Variants in CSMD1 observed in about 807,000 individuals in gnomAD.
The protein encoded by CSMD1 is CUB and Sushi multiple domains 1.
CSMD1 carries 213 observed loss-of-function variants against 417.5 expected under a neutral mutation model. The observed-to-expected ratio is 0.51, with a 90% CI of 0.46 to 0.57. The LOEUF (loss-of-function observed/expected upper bound fraction) is 0.57. CSMD1 is among the 20% of genes least tolerant of loss of function. The pLI is 0.00. For missense variants in CSMD1, 6,923 were observed against 4,529.7 expected (o/e 1.53, Z -15.17); for synonymous variants, 2,862 against 1,736.8 (o/e 1.65, Z -16.11).
intron 1 of CSMD1, among the ~76,000 whole-genome samples, chr8:4,760,405 C>T (rs1020124369): frequency 6.6e-6 from 1 of 152,154 alleles, no homozygotes; most frequent in Non-Finnish European, 1.5e-5. Context: ...TCTCAGCTGA[C>T]TTTATGATAC....
intron 3 of CSMD1, among the ~76,000 whole-genome samples, chr8:4,256,655 G>A (rs935326110): frequency 1.3e-5 from 2 of 152,170 alleles, no homozygotes; most frequent in Non-Finnish European, 2.9e-5. Flanking sequence ...CCAAGTCACA[G>A]ATGGCTAATG....
intron 43 of CSMD1, among the ~76,000 whole-genome samples, chr8:3,109,081 A>G (rs934243942): frequency 1.3e-5 from 2 of 152,154 alleles, no homozygotes; most frequent in African/African-American, 4.8e-5. Context: ...CCTGGCCAAC[A>G]TGGTGAAACC....
At chr8:3,728,672 G>A (rs1054473675) in intron 6 of CSMD1, among the ~76,000 whole-genome samples, 7 of 151,940 alleles carry the variant, frequency 4.6e-5, no homozygotes, top group African/African-American at 7.3e-5. Flanking sequence ...AACAGAAGGA[G>A]AAAGTAGAAA....
At chr8:4,668,481 G>C (rs184940169) in intron 1 of CSMD1, among the ~76,000 whole-genome samples, 3 of 147,220 alleles carry the variant, frequency 2.0e-5, no homozygotes, top group East Asian at 2.0e-4. Flanking sequence ...ATGGAGTCTC[G>C]CTCTGTCACC....
intron 5 of CSMD1, among the ~76,000 whole-genome samples, chr8:3,774,206 T>C (rs1329890726): frequency 6.6e-6 from 1 of 152,168 alleles, no homozygotes; most frequent in Non-Finnish European, 1.5e-5. Flanking sequence ...ACCTTATAAT[T>C]TTCTCTTATC....
At chr8:3,486,412 C>T (rs533020624) in intron 11 of CSMD1, among the ~76,000 whole-genome samples, 14 of 152,206 alleles carry the variant, frequency 9.2e-5, no homozygotes, top group Admixed American at 3.3e-4. Flanking sequence ...TAGCATCCTT[C>T]GATGTTTATT....
At chr8:3,136,751 G>A (rs1359586226) in intron 41 of CSMD1, among the ~76,000 whole-genome samples, 3 of 152,108 alleles carry the variant, frequency 2.0e-5, no homozygotes, top group Non-Finnish European at 4.4e-5. Context: ...GAAAGTAACT[G>A]TGAATCCCAC....
chr8:3,317,847 G>T (rs1805877983), intron 23 of CSMD1, among the ~76,000 whole-genome samples: 1 of 152,182 alleles, frequency 6.6e-6, no homozygotes, highest in African/African-American at 2.4e-5. Context: ...GTCTTGCTCT[G>T]TGACCCAGGC....
chr8:3,035,455 C>T (rs180855054), intron 50 of CSMD1, among the ~76,000 whole-genome samples: 25 of 152,280 alleles, frequency 1.6e-4, no homozygotes, highest in Admixed American at 1.6e-3. Flanking sequence ...GTGGGTCTCA[C>T]ATCATGTTGT....
At chr8:3,294,792 C>T (rs117340883) in intron 25 of CSMD1, among the ~76,000 whole-genome samples, 2 of 152,162 alleles carry the variant, frequency 1.3e-5, no homozygotes, top group African/African-American at 4.8e-5. Context: ...GATGCCTCCC[C>T]CTGCTTTGGC....
chr8:4,438,269 G>A (rs190254641), intron 2 of CSMD1, among the ~76,000 whole-genome samples: 1 of 152,292 alleles, frequency 6.6e-6, no homozygotes, highest in East Asian at 1.9e-4. Flanking sequence ...CTTTAAGGTT[G>A]AAGAGACCTG....
chr8:3,466,812 A>G (rs150435356), intron 12 of CSMD1, among the ~76,000 whole-genome samples: 1 of 152,294 alleles, frequency 6.6e-6, no homozygotes, highest in East Asian at 1.9e-4. Context: ...GGTCACTTTT[A>G]TAAGTGATTT....
At chr8:3,078,897 G>A (rs1813886057) in intron 49 of CSMD1, among the ~76,000 whole-genome samples, 1 of 152,096 alleles carries the variant, frequency 6.6e-6, no homozygotes. Context: ...TTCCTTTTTT[G>A]TTGGGCTCCT....
intron 3 of CSMD1, among the ~76,000 whole-genome samples, chr8:4,206,841 C>A (rs897166241): frequency 6.6e-6 from 1 of 152,066 alleles, no homozygotes; most frequent in African/African-American, 2.4e-5. Context: ...ATTTTGTGGG[C>A]TCCTAGAAGC....
intron 2 of CSMD1, among the ~76,000 whole-genome samples, chr8:4,541,125 G>C (rs1797364471): frequency 6.6e-6 from 1 of 152,122 alleles, no homozygotes; most frequent in Non-Finnish European, 1.5e-5. Context: ...TATGAGAACT[G>C]ATTTTTTTAC....
At chr8:4,136,189 C>A (rs1157802928) in intron 3 of CSMD1, among the ~76,000 whole-genome samples, 1 of 152,114 alleles carries the variant, frequency 6.6e-6, no homozygotes, top group Non-Finnish European at 1.5e-5. Context: ...CACAAAAGAA[C>A]AGCTATGTGA....
chr8:3,508,940 T>G (rs996323246), intron 10 of CSMD1, among the ~76,000 whole-genome samples: 9 of 152,180 alleles, frequency 5.9e-5, no homozygotes, highest in African/African-American at 1.9e-4. Context: ...TCTGAGAACT[T>G]AAAGTCCTCA....
intron 23 of CSMD1, among the ~76,000 whole-genome samples, chr8:3,342,733 C>T (rs1447990028): frequency 6.6e-6 from 1 of 152,094 alleles, no homozygotes; most frequent in Non-Finnish European, 1.5e-5. Flanking sequence ...CTGGCTCCAC[C>T]AACTCTTAAA....
At chr8:4,468,101 C>A (rs187875841) in intron 2 of CSMD1, among the ~76,000 whole-genome samples, 3 of 152,230 alleles carry the variant, frequency 2.0e-5, no homozygotes, top group African/African-American at 2.4e-5. Flanking sequence ...TCTGATGAAC[C>A]GCTTTCTAAA....
Sources: gnomAD v4.1 joint callset for allele counts (sites outside exome capture counted in the v4.1 genomes callset) on GRCh38, gnomAD v4.1.1 for gene constraint, MANE v1.5 for transcripts, NCBI Gene and HGNC (gene_info 2026-07-23, HGNC 2026-07-21) for gene names.